The following ARID1B variants were observed in gnomAD, a reference collection of about 807,000 sequenced individuals.
ARID1B encodes AT-rich interaction domain 1B.
Under a neutral mutation model 212.3 loss-of-function variants are expected in ARID1B, and 30 were observed. The ratio of observed to expected loss-of-function variants is 0.14; its 90% confidence interval spans 0.11 to 0.19. The LOEUF is 0.19. Among genes scored for constraint, ARID1B ranks in the 10% least tolerant of loss-of-function variants. The pLI is 1.00. For synonymous variants in ARID1B, 1,402 were observed against 1,301.7 expected (o/e 1.08, Z -1.66); for missense variants, 2,891 against 3,204.0 (o/e 0.90, Z 2.36).
At chr6:157,123,248 CACACA>C (rs1300689279) in intron 6 of ARID1B, among the ~76,000 whole-genome samples, 3 of 100,214 alleles carry the variant, frequency 3.0e-5, no homozygotes, top group Non-Finnish European at 6.0e-5. Context: ...GCCCCCCCCC[CACACA>C]CACACAAGCA....
intron 4 of ARID1B, among the ~76,000 whole-genome samples, chr6:157,004,359 C>T (rs947773390): frequency 6.6e-6 from 1 of 151,978 alleles, no homozygotes; most frequent in Non-Finnish European, 1.5e-5. Flanking sequence ...AAGTGTTTAG[C>T]AAGTGAAATC....
At chr6:157,159,686 C>G (rs1044788417) in intron 8 of ARID1B, among the ~76,000 whole-genome samples, 1 of 152,128 alleles carries the variant, frequency 6.6e-6, no homozygotes, top group Non-Finnish European at 1.5e-5. Context: ...AGAGCTTCAC[C>G]AAGATGCAGG....
intron 4 of ARID1B, 198 bp downstream of exon 4, chr6:156,935,774 A>C (rs377045222): frequency 1.9e-6 from 1 of 516,096 alleles, no homozygotes. Flanking sequence ...ATGTGTATAT[A>C]TCTCTGTTGC....
chr6:156,780,608 G>A (rs1779187584), intron 1 of ARID1B, among the ~76,000 whole-genome samples: 1 of 152,216 alleles, frequency 6.6e-6, no homozygotes, highest in African/African-American at 2.4e-5. Flanking sequence ...AAATAGAAGT[G>A]CTGAGCAGTA....
intron 4 of ARID1B, among the ~76,000 whole-genome samples, chr6:157,032,866 C>G (rs1316625164): frequency 6.6e-6 from 1 of 152,092 alleles, no homozygotes; most frequent in East Asian, 1.9e-4. Context: ...CTGTGCACAC[C>G]CTTTCCATTC....
In ARID1B at chr6:156,779,291, G is replaced by A. The variant is rs1779000212; in HGVS notation, c.1611G>A (p.Gln537=). The change falls in exon 1 of 20, where the codon CAG becomes CAA. Residue 537 remains glutamine (Q), a synonymous_variant. Coordinates refer to ENST00000636930, the MANE Select transcript of ARID1B (RefSeq NM_001374828.1). ...SAPPPPPSQP[Q]SQAAAAGAAA... ...CGCCGCCGCCGCCGTCGCAGCCCCA[G>A]TCCCAGGCGGCGGCGGCGGGGGCGG... 2 of 1,146,108 alleles carry A rather than the reference G, an allele frequency of 1.7e-6. No individual in the cohort carries two copies. Among genetic ancestry groups the A allele is most frequent in the Non-Finnish European group, 1.1e-6 (1 of 934,666 alleles). The allele number at this position is 1,146,108 out of a possible 1,614,324, so 71.0% of individuals were successfully genotyped here.
chr6:156,909,326 A>T (rs544619939), intron 3 of ARID1B, among the ~76,000 whole-genome samples: 193 of 152,012 alleles, frequency 1.3e-3, no homozygotes, highest in African/African-American at 4.6e-3. Flanking sequence ...GGGTTTCACC[A>T]TGTTGGCCAG....
intron 2 of ARID1B, among the ~76,000 whole-genome samples, chr6:156,850,754 C>G (rs1375142656): frequency 6.6e-6 from 1 of 152,162 alleles, no homozygotes; most frequent in Non-Finnish European, 1.5e-5. Context: ...GACCACTAAC[C>G]TGGTTGAAGC....
intron 3 of ARID1B, among the ~76,000 whole-genome samples, chr6:156,913,109 A>G (rs1181043672): frequency 6.6e-6 from 1 of 150,666 alleles, no homozygotes; most frequent in East Asian, 1.9e-4. Flanking sequence ...AAGTATATAT[A>G]CTACATTGTA....
At chr6:156,943,963 C>T (rs1309026125) in intron 4 of ARID1B, 1 of 152,108 alleles carries the variant, frequency 6.6e-6, no homozygotes, top group African/African-American at 2.4e-5. Flanking sequence ...GGCTGGGAGA[C>T]CTATTCTAAT....
At chr6:157,062,526 AC>A in intron 4 of ARID1B, among the ~76,000 whole-genome samples, 1 of 151,952 alleles carries the variant, frequency 6.6e-6, no homozygotes, top group Non-Finnish European at 1.5e-5. Context: ...ATTGCTGTAG[AC>A]ACGAGTTTGA....
At chr6:157,145,085 C>T (rs1407080242) in intron 7 of ARID1B, among the ~76,000 whole-genome samples, 3 of 152,122 alleles carry the variant, frequency 2.0e-5, no homozygotes, top group Non-Finnish European at 2.9e-5. Context: ...CTTTCTTTCC[C>T]AGTTCCTCAG....
intron 4 of ARID1B, among the ~76,000 whole-genome samples, chr6:157,035,404 C>T (rs1781267504): frequency 6.6e-6 from 1 of 152,184 alleles, no homozygotes; most frequent in East Asian, 1.9e-4. Context: ...TTTAAAGTCT[C>T]CAATGTTGAT....
At chr6:156,893,937 G>A (rs562035490) in intron 2 of ARID1B, among the ~76,000 whole-genome samples, 4 of 152,032 alleles carry the variant, frequency 2.6e-5, no homozygotes, top group Non-Finnish European at 5.9e-5. Flanking sequence ...CCCACTTCTC[G>A]GAATGTACCC....
intron 1 of ARID1B, among the ~76,000 whole-genome samples, chr6:156,785,904 A>G (rs923677671): frequency 1.3e-5 from 2 of 152,158 alleles, no homozygotes; most frequent in African/African-American, 4.8e-5. Flanking sequence ...GGTAATCCTC[A>G]TAGAGTTTGA....
chr6:156,954,948 G>A lies in ARID1B; in HGVS notation c.2247+19372G>A, dbSNP rs9397987. Among the ~76,000 whole-genome samples, 506 of 152,354 alleles carry A rather than the reference G, an allele frequency of 3.3e-3. 15 individuals are homozygous for A. In the East Asian group the frequency reaches 0.081, roughly 24 times the overall value. On this transcript the variant is annotated intron_variant, in intron 4 of 19. Transcript: ENST00000636930. ...GGCAGGCTCCAAAGGCATGGCTGGCGGAGGCCACCTGGCCCGCTTTGTGTT... is the reference window on the plus strand; with the variant it reads ...GGCAGGCTCCAAAGGCATGGCTGGCAGAGGCCACCTGGCCCGCTTTGTGTT...
chr6:156,904,960 T>C (rs1789242214), intron 3 of ARID1B, among the ~76,000 whole-genome samples: 1 of 152,228 alleles, frequency 6.6e-6, no homozygotes, highest in Admixed American at 6.5e-5. Context: ...AAATCTGAAA[T>C]ACTTCTTTTT....
chr6:157,120,200 T>G (rs1264278995), intron 6 of ARID1B, among the ~76,000 whole-genome samples: 1 of 152,188 alleles, frequency 6.6e-6, no homozygotes, highest in Non-Finnish European at 1.5e-5. Flanking sequence ...AGGATTTGTG[T>G]AAGGAATGAC....
At chr6:157,001,040 T>TTGTGG (rs1427763744) in intron 4 of ARID1B, among the ~76,000 whole-genome samples, 2 of 152,192 alleles carry the variant, frequency 1.3e-5, no homozygotes, top group Non-Finnish European at 2.9e-5. Context: ...GAAATGACTG[T>TTGTGG]TGTGGCAACA....
Sources: gnomAD v4.1 joint callset for allele counts (sites outside exome capture counted in the v4.1 genomes callset) on GRCh38, gnomAD v4.1.1 for gene constraint, MANE v1.5 for transcripts, NCBI Gene and HGNC (gene_info 2026-07-23, HGNC 2026-07-21) for gene names.